Variants in CSMD3 observed in about 807,000 individuals in gnomAD.
CSMD3 encodes CUB and sushi domain-containing protein 3.
A neutral mutation model predicts 435.2 loss-of-function variants in CSMD3; 177 were observed. The observed-to-expected ratio is 0.41, with a 90% confidence interval of 0.36 to 0.46. The LOEUF (loss-of-function observed/expected upper bound fraction) is 0.46, where lower values mean the gene tolerates loss of function less well. CSMD3 is among the 20% of genes least tolerant of loss of function. CSMD3 has a pLI of 0.34. For missense variants in CSMD3, 4,265 were observed against 4,504.6 expected (o/e 0.95, Z 1.52); for synonymous variants, 1,656 against 1,520.5 (o/e 1.09, Z -2.07).
At chr8:112,492,006 CCTT>C (rs1414529461) in intron 31 of CSMD3, among the ~76,000 whole-genome samples, 1 of 152,102 alleles carries the variant, frequency 6.6e-6, no homozygotes, top group African/African-American at 2.4e-5. Context: ...TATTATATCT[CCTT>C]CTAGACAACC....
At chr8:113,171,767 C>T (rs2092272184) in intron 4 of CSMD3, among the ~76,000 whole-genome samples, 1 of 152,114 alleles carries the variant, frequency 6.6e-6, no homozygotes, top group African/African-American at 2.4e-5. Flanking sequence ...ATTGAATGCT[C>T]ATGTTTCTGC....
intron 7 of CSMD3, among the ~76,000 whole-genome samples, chr8:112,968,628 C>T (rs989930264): frequency 6.6e-6 from 1 of 151,986 alleles, no homozygotes; most frequent in Non-Finnish European, 1.5e-5. Flanking sequence ...TTACCTCATC[C>T]TTCCTCACAT....
chr8:112,417,925 T>C (rs908415478), intron 32 of CSMD3, among the ~76,000 whole-genome samples: 2 of 151,722 alleles, frequency 1.3e-5, no homozygotes, highest in Non-Finnish European at 2.9e-5. Flanking sequence ...ATTCTCAACA[T>C]GCTTACTACT....
intron 22 of CSMD3, among the ~76,000 whole-genome samples, chr8:112,620,464 C>A (rs1050246040): frequency 6.6e-6 from 1 of 152,048 alleles, no homozygotes; most frequent in African/African-American, 2.4e-5. Context: ...TTGAGGCACT[C>A]GAAGTTAAAA....
At chr8:113,076,303 A>G (rs1421777258) in intron 5 of CSMD3, among the ~76,000 whole-genome samples, 4 of 151,830 alleles carry the variant, frequency 2.6e-5, no homozygotes, top group Non-Finnish European at 5.9e-5. Flanking sequence ...TTCATAATAC[A>G]TCTTTTGCTG....
intron 1 of CSMD3, among the ~76,000 whole-genome samples, chr8:113,319,017 A>C (rs571088905): frequency 2.6e-5 from 4 of 152,112 alleles, no homozygotes; most frequent in Non-Finnish European, 4.4e-5. Context: ...ATGGGAGTGC[A>C]GATATTTTTA....
chr8:112,410,314 A>G (rs2130100499), intron 32 of CSMD3, among the ~76,000 whole-genome samples: 1 of 151,384 alleles, frequency 6.6e-6, no homozygotes, highest in Middle Eastern at 3.4e-3. Context: ...AAATTTGTCA[A>G]TAATCCTCCT....
rs779849497 is a variant in CSMD3 at position 112,263,650 on chromosome 8, G to A, written c.9851C>T (p.Pro3284Leu). 8.7e-6 allele frequency: 14 copies of A among 1,613,232 alleles called. No individual in the cohort carries two copies. The highest frequency in any genetic ancestry group is 3.3e-5 in the South Asian group (3 of 91,040). ...VGNGTWSGEV[P>L]QCLPKFCGDP... is the part of the protein sequence containing the mutation. ...GAAATCATACTTACGTAAGCACTGCGGTACTTCACCACTCCAGGTACCATT... is the reference window on the plus strand; with the variant it reads ...GAAATCATACTTACGTAAGCACTGCAGTACTTCACCACTCCAGGTACCATT... Residue 3284 changes from proline to leucine, a missense_variant, in exon 61 of 71, where the codon CCG becomes CTG. Physicochemically the swap from Pro to Leu is moderately conservative, Grantham distance 98 (BLOSUM62 -3). Transcript: ENST00000297405.
At position 112,251,876 on chromosome 8, in the gene CSMD3, A is replaced by C. The variant is rs116625310; in HGVS notation, c.10110+2377T>G. 3.3e-3 allele frequency among the ~76,000 whole-genome samples: 503 copies of C among 151,998 alleles called. 4 individuals are homozygous for C. Among genetic ancestry groups the C allele is most frequent in the African/African-American group, 0.012 (489 of 41,534 alleles). ...TGTTGCATCAATTATTTTGACAGCT[A>C]TTCTCTTCACTATCAATTTTTAGTA... is the stretch of plus-strand genomic sequence containing the variant. On this transcript the variant is annotated intron_variant, in intron 63 of 70. Transcript: ENST00000297405.
chr8:112,431,226 G>A (rs1483663815), intron 32 of CSMD3, among the ~76,000 whole-genome samples: 2 of 152,034 alleles, frequency 1.3e-5, no homozygotes, highest in Admixed American at 1.3e-4. Context: ...TAACCTGAAA[G>A]TCAGATTCTA....
intron 36 of CSMD3, among the ~76,000 whole-genome samples, chr8:112,387,653 C>T (rs749268004): frequency 1.2e-4 from 18 of 152,180 alleles, no homozygotes; most frequent in Non-Finnish European, 2.4e-4. Flanking sequence ...AAACGTGCTG[C>T]TAAACTCAAA....
At chr8:112,999,944 G>A (rs996309255) in intron 6 of CSMD3, among the ~76,000 whole-genome samples, 8 of 152,098 alleles carry the variant, frequency 5.3e-5, no homozygotes, top group African/African-American at 1.9e-4. Flanking sequence ...CTAAATGAAG[G>A]TGTTTTACAG....
At chr8:113,278,543 G>T (rs1184228401) in intron 3 of CSMD3, 49 bp downstream of exon 3, 3 of 869,202 alleles carry the variant, frequency 3.5e-6, no homozygotes, top group African/African-American at 1.6e-5. Flanking sequence ...GAAAAATTTT[G>T]TTAGATTACA....
chr8:112,859,120 T>TA lies in CSMD3; in HGVS notation c.1755+24dup, dbSNP rs770186460. The TA allele has an allele frequency of 1.9e-6, 3 of 1,600,480 alleles. No homozygotes were observed. The African/African-American group carries it at 4.0e-5, about 21-fold the overall frequency. On this transcript the variant is annotated intron_variant, in intron 11 of 70. Transcript: ENST00000297405. ...GTCTTTATGATTATGACTTTTTTTT[T>TA]AAATCACAGATGGTGTTCTCTTACC...
chr8:112,325,958 C>T (rs1823467265), intron 45 of CSMD3, among the ~76,000 whole-genome samples: 1 of 152,066 alleles, frequency 6.6e-6, no homozygotes, highest in South Asian at 2.1e-4. Context: ...ACATTTTAAG[C>T]TTATCTTTCA....
At chr8:113,031,811 C>G (rs554379708) in intron 5 of CSMD3, among the ~76,000 whole-genome samples, 1 of 151,410 alleles carries the variant, frequency 6.6e-6, no homozygotes, top group Non-Finnish European at 1.5e-5. Context: ...TGTCCCCACC[C>G]AAATCTCATC....
chr8:112,363,650 C>T (rs1827476515), intron 38 of CSMD3, among the ~76,000 whole-genome samples: 1 of 151,818 alleles, frequency 6.6e-6, no homozygotes, highest in Non-Finnish European at 1.5e-5. Context: ...CTAGATTAGG[C>T]TAAAACTATC....
At chr8:112,961,648 A>G (rs2084234225) in intron 7 of CSMD3, among the ~76,000 whole-genome samples, 1 of 151,928 alleles carries the variant, frequency 6.6e-6, no homozygotes, top group Non-Finnish European at 1.5e-5. Flanking sequence ...TAATAAAACT[A>G]ATTTGTTAAT....
At chr8:112,303,690 G>A (rs189641231) in intron 52 of CSMD3, among the ~76,000 whole-genome samples, 1 of 151,792 alleles carries the variant, frequency 6.6e-6, no homozygotes, top group Non-Finnish European at 1.5e-5. Flanking sequence ...GGAACACAGG[G>A]CAACCGAAAA....
Sources: allele counts gnomAD v4.1 joint callset (sites outside exome capture counted in the v4.1 genomes callset), GRCh38; gene constraint gnomAD v4.1.1; transcripts MANE v1.5; gene names NCBI Gene and HGNC (gene_info 2026-07-23, HGNC 2026-07-21).